Variants in TOGARAM1 observed in about 807,000 individuals in gnomAD.
TOGARAM1 encodes the protein TOG array regulator of axonemal microtubules protein 1.
A neutral mutation model predicts 166.6 loss-of-function variants in TOGARAM1; 100 were observed. The observed-to-expected ratio is 0.60, with a 90% CI of 0.51 to 0.71. The LOEUF is 0.71. Among genes scored for constraint, TOGARAM1 ranks in the 30% least tolerant of loss-of-function variants. The probability of loss-of-function intolerance (pLI) is 0.00; values close to 1 mark genes in which losing one functional copy is unlikely to be tolerated. For missense variants in TOGARAM1, 2,029 were observed against 2,102.7 expected (o/e 0.96, Z 0.69); for synonymous variants, 758 against 763.8 (o/e 0.99, Z 0.13).
Position 44,963,495 on chromosome 14 carries a change from A to G in TOGARAM1, c.1074A>G (p.Arg358=), listed in dbSNP as rs767066536. 3 of 1,614,198 alleles carry G rather than the reference A, an allele frequency of 1.9e-6. No individual in the cohort carries two copies. The highest frequency in any genetic ancestry group is 2.5e-6 in the Non-Finnish European group (3 of 1,180,040). ...FGIIPQELHS[R]LLDQEDYKNR... is the part of the protein sequence containing the mutation. ...TTATTCCTCAGGAGCTGCATTCACGATTATTGGATCAGGAAGACTATAAGA... is the reference window on the plus strand; with the variant it reads ...TTATTCCTCAGGAGCTGCATTCACGGTTATTGGATCAGGAAGACTATAAGA... The change falls in exon 1 of 20, where the codon CGA becomes CGG. Residue 358 remains arginine, a synonymous_variant. Coordinates refer to ENST00000361462, the MANE Select transcript of TOGARAM1 (RefSeq NM_001308120.2).
At chr14:44,981,695 GCTT>G (rs1200650383) in intron 1 of TOGARAM1, among the ~76,000 whole-genome samples, 1 of 152,008 alleles carries the variant, frequency 6.6e-6, no homozygotes, top group African/African-American at 2.4e-5. Context: ...AAAAGTTTGT[GCTT>G]TTTTGTATTT....
chr14:45,042,502 G>A (rs1881777007), intron 11 of TOGARAM1, among the ~76,000 whole-genome samples: 1 of 151,944 alleles, frequency 6.6e-6, no homozygotes, highest in Non-Finnish European at 1.5e-5. Flanking sequence ...ATGCATGAAT[G>A]CTTCAGAATA....
chr14:45,039,400 G>A (rs1404084704), intron 11 of TOGARAM1, among the ~76,000 whole-genome samples: 1 of 152,154 alleles, frequency 6.6e-6, no homozygotes, highest in African/African-American at 2.4e-5. Flanking sequence ...TGGCTTGAAG[G>A]TACGGCTTCA....
At chr14:45,026,296 C>A (rs1043324933) in intron 8 of TOGARAM1, among the ~76,000 whole-genome samples, 1 of 151,968 alleles carries the variant, frequency 6.6e-6, no homozygotes, top group African/African-American at 2.4e-5. Flanking sequence ...GCTAAGGGAC[C>A]TTGAACAAAA....
At chr14:45,063,074 G>C (rs1203118041) in intron 16 of TOGARAM1, among the ~76,000 whole-genome samples, 1 of 152,080 alleles carries the variant, frequency 6.6e-6, no homozygotes, top group African/African-American at 2.4e-5. Flanking sequence ...GTGGTCTTTT[G>C]TGACTGGCTT....
intron 6 of TOGARAM1, 182 bp from the exon 7 acceptor site, chr14:45,011,785 ATGTGTGTG>A (rs113794576): frequency 7.2e-5 from 30 of 414,612 alleles, no homozygotes; most frequent in Middle Eastern, 1.3e-3. Flanking sequence ...CAAAATATAT[ATGTGTGTG>A]TGTGTGTGTG....
intron 15 of TOGARAM1, 62 bp downstream of exon 15, chr14:45,052,624 G>A (rs1882430169): frequency 7.1e-7 from 1 of 1,418,440 alleles, no homozygotes; most frequent in Admixed American, 2.1e-5. Flanking sequence ...TTACATCCAG[G>A]TAAAGGATAG....
chr14:45,006,042 T>TAC lies in TOGARAM1; in HGVS notation c.2682_2683dup (p.Pro895HisfsTer5), dbSNP rs753278884. The TAC allele has an allele frequency of 6.2e-7, 1 of 1,600,908 alleles. No homozygotes were observed. Among genetic ancestry groups the TAC allele is most frequent in the Non-Finnish European group, 8.5e-7 (1 of 1,173,608 alleles). On this transcript the variant is annotated frameshift_variant, in exon 5 of 20. Coordinates refer to ENST00000361462, the MANE Select transcript of TOGARAM1 (RefSeq NM_001308120.2). LOFTEE classifies it high-confidence loss of function. ...CTCAAGAAAAACCTCCAGTTCAGCT[T>TAC]ACACCTGCCTTGGTGAGATCGCCAT... is the stretch of plus-strand genomic sequence containing the variant.
At chr14:45,055,406 G>A (rs1882580210) in intron 16 of TOGARAM1, among the ~76,000 whole-genome samples, 1 of 152,116 alleles carries the variant, frequency 6.6e-6, no homozygotes, top group Non-Finnish European at 1.5e-5. Context: ...ATTAATGTAT[G>A]TATCTGTTTT....
At chr14:44,986,862 C>T (rs1403507105) in intron 1 of TOGARAM1, among the ~76,000 whole-genome samples, 7 of 150,764 alleles carry the variant, frequency 4.6e-5, no homozygotes, top group Admixed American at 1.3e-4. Context: ...AAAAATTAGC[C>T]GGGCGTGGTG....
chr14:45,073,625 A>C lies in TOGARAM1; in HGVS notation c.*64A>C. The C allele has an allele frequency of 6.7e-7, 1 of 1,485,424 alleles. No individual in the cohort carries two copies. The highest frequency in any genetic ancestry group is 9.0e-7 in the Non-Finnish European group (1 of 1,105,558). 92.0% of individuals were successfully genotyped at this position (1,485,424 alleles called of 1,614,324 possible). A position where few individuals can be genotyped will look rare whatever the true frequency, so the allele number is the denominator to read the frequency against. Reference sequence around the variant, plus strand: ...ACATGATGACAAATGGAACTTTCTAAAAGTTATGTTATCAGTGCCTGCACT... The same window carrying C: ...ACATGATGACAAATGGAACTTTCTACAAGTTATGTTATCAGTGCCTGCACT... On this transcript the variant is annotated 3_prime_UTR_variant, in exon 20 of 20. Transcript: ENST00000361462.
At chr14:45,018,542 C>G (rs1880297371) in intron 7 of TOGARAM1, among the ~76,000 whole-genome samples, 1 of 152,170 alleles carries the variant, frequency 6.6e-6, no homozygotes, top group Non-Finnish European at 1.5e-5. Flanking sequence ...CCACACCTAG[C>G]CTGCCATTTC....
At chr14:44,964,860 A>G (rs1283197807) in intron 1 of TOGARAM1, among the ~76,000 whole-genome samples, 1 of 150,560 alleles carries the variant, frequency 6.6e-6, no homozygotes, top group Non-Finnish European at 1.5e-5. Flanking sequence ...CCTGGGAATT[A>G]GCAGTTAACA....
intron 10 of TOGARAM1, among the ~76,000 whole-genome samples, chr14:45,029,485 G>GA (rs1432880175): frequency 1.3e-5 from 2 of 152,118 alleles, no homozygotes; most frequent in African/African-American, 2.4e-5. Context: ...TATATTATTT[G>GA]AAAATAAGAA....
chr14:45,044,737 G>A lies in TOGARAM1; in HGVS notation c.4021G>A (p.Val1341Ile). 2.5e-6 allele frequency: 4 copies of A among 1,614,026 alleles called. No individual in the cohort carries two copies. The highest frequency in any genetic ancestry group is 3.4e-6 in the Non-Finnish European group (4 of 1,179,970). The stretch of plus-strand genomic sequence containing the variant: ...CATGGATCAAGAGCTAGATACCACA[G>A]TAAAAGTTTTGTTGCACAAGGCTGG... ...KSMDQELDTT[V>I]KVLLHKAGES... Residue 1341 changes from valine (V) to isoleucine (I), a missense_variant, in exon 13 of 20, where the codon GTA (valine) becomes ATA (isoleucine). By Grantham distance (29) the Val-to-Ile change is conservative. This residue lies in a region of TOGARAM1 where 576 missense variants were observed against 670.5 expected (regional missense o/e 0.86). Transcript: ENST00000361462.
intron 4 of TOGARAM1, among the ~76,000 whole-genome samples, chr14:45,005,742 A>G (rs914874191): frequency 1.3e-5 from 2 of 152,184 alleles, no homozygotes; most frequent in African/African-American, 4.8e-5. Context: ...TCCAGTGTTC[A>G]ATTTATGGCA....
At chr14:45,008,307 C>G (rs528802645) in intron 5 of TOGARAM1, among the ~76,000 whole-genome samples, 1 of 148,390 alleles carries the variant, frequency 6.7e-6, no homozygotes, top group African/African-American at 2.5e-5. Context: ...GGTGCAATCT[C>G]GGCTCATTGC....
intron 7 of TOGARAM1, among the ~76,000 whole-genome samples, chr14:45,020,091 T>G (rs1203307126): frequency 6.6e-6 from 1 of 152,122 alleles, no homozygotes; most frequent in Non-Finnish European, 1.5e-5. Flanking sequence ...ATAAGGAGGT[T>G]AAAGATACAG....
chr14:45,038,923 G>A (rs961054202), intron 11 of TOGARAM1, among the ~76,000 whole-genome samples: 3 of 152,152 alleles, frequency 2.0e-5, no homozygotes, highest in Admixed American at 2.0e-4. Flanking sequence ...ACCTGAAGTG[G>A]GTAGCTCCTT....
Sources: allele counts gnomAD v4.1 joint callset (sites outside exome capture counted in the v4.1 genomes callset), GRCh38; gene constraint gnomAD v4.1.1; regional missense constraint gnomAD v4.1.1; transcripts MANE v1.5; gene names NCBI Gene and HGNC (gene_info 2026-07-23, HGNC 2026-07-21).